Variants in CSGALNACT1 observed in about 807,000 individuals in gnomAD.
The protein encoded by CSGALNACT1 is beta4GalNAcT-1.
Under a neutral mutation model 51.0 loss-of-function variants are expected in CSGALNACT1, and 52 were observed. The observed-to-expected ratio is 1.02, with a 90% confidence interval of 0.82 to 1.29. The LOEUF is 1.29. CSGALNACT1 is among the 50% of genes most tolerant of loss of function. The pLI, the probability that CSGALNACT1 is intolerant of heterozygous loss-of-function variation, is 0.00. For synonymous variants in CSGALNACT1, 341 were observed against 254.4 expected (o/e 1.34, Z -3.24); for missense variants, 935 against 679.2 (o/e 1.38, Z -4.19).
At chr8:19,421,163 C>T (rs2057859991) in intron 6 of CSGALNACT1, among the ~76,000 whole-genome samples, 2 of 152,222 alleles carry the variant, frequency 1.3e-5, no homozygotes, top group Non-Finnish European at 1.5e-5. Context: ...CCTCAGTTGC[C>T]TCATCTGCTA....
chr8:19,744,823 C>G (rs913004799), intron 1 of CSGALNACT1, among the ~76,000 whole-genome samples: 4 of 152,160 alleles, frequency 2.6e-5, no homozygotes. Flanking sequence ...TTCCATACAC[C>G]TTTATCAAGA....
intron 4 of CSGALNACT1, among the ~76,000 whole-genome samples, chr8:19,485,130 A>G (rs1204586474): frequency 1.3e-5 from 2 of 152,174 alleles, no homozygotes; most frequent in Non-Finnish European, 2.9e-5. Flanking sequence ...CATCAGTTAC[A>G]CAGCATCTAC....
chr8:19,426,258 G>A, intron 6 of CSGALNACT1, among the ~76,000 whole-genome samples: 1 of 152,144 alleles, frequency 6.6e-6, no homozygotes, highest in East Asian at 1.9e-4. Context: ...CCACTCAGAT[G>A]GGCACCAGAG....
chr8:19,412,376 T>A (rs1384430594), intron 8 of CSGALNACT1, among the ~76,000 whole-genome samples: 2 of 152,122 alleles, frequency 1.3e-5, no homozygotes, highest in South Asian at 2.1e-4. Context: ...CAAATCAGCA[T>A]CTCTCCCCAA....
chr8:19,499,486 GT>G (rs1406605977), intron 4 of CSGALNACT1, among the ~76,000 whole-genome samples: 2 of 152,004 alleles, frequency 1.3e-5, no homozygotes, highest in East Asian at 1.9e-4. Flanking sequence ...AACAAATAAC[GT>G]TTTTTTCCCT....
chr8:19,671,332 T>C (rs2059782201), intron 1 of CSGALNACT1, among the ~76,000 whole-genome samples: 1 of 152,200 alleles, frequency 6.6e-6, no homozygotes, highest in South Asian at 2.1e-4. Flanking sequence ...CCATTCCCTA[T>C]GGATGAACTA....
intron 8 of CSGALNACT1, among the ~76,000 whole-genome samples, chr8:19,409,519 AG>A (rs1361693812): frequency 3.3e-5 from 5 of 152,074 alleles, no homozygotes; most frequent in East Asian, 1.9e-4. Context: ...AGAGAGAGAG[AG>A]AAACACACAC....
At chr8:19,436,677 C>T (rs981202297) in intron 6 of CSGALNACT1, among the ~76,000 whole-genome samples, 1 of 152,044 alleles carries the variant, frequency 6.6e-6, no homozygotes, top group Non-Finnish European at 1.5e-5. Context: ...GAGGATGAGG[C>T]AAGAGGATTG....
At chr8:19,567,291 C>T (rs1196462777) in intron 3 of CSGALNACT1, among the ~76,000 whole-genome samples, 1 of 152,190 alleles carries the variant, frequency 6.6e-6, no homozygotes, top group Admixed American at 6.5e-5. Context: ...GTCAATTCTT[C>T]CAGCAGTCGT....
At chr8:19,501,708 C>G (rs1423082841) in intron 4 of CSGALNACT1, among the ~76,000 whole-genome samples, 1 of 152,212 alleles carries the variant, frequency 6.6e-6, no homozygotes, top group Non-Finnish European at 1.5e-5. Context: ...TGATGTCAAA[C>G]TTATGTCCAA....
intron 4 of CSGALNACT1, among the ~76,000 whole-genome samples, chr8:19,467,161 C>G (rs1186613790): frequency 7.1e-6 from 1 of 140,576 alleles, no homozygotes; most frequent in Non-Finnish European, 1.5e-5. Flanking sequence ...ACTCTGTCAC[C>G]CAGGCTGGAG....
At chr8:19,521,439 C>T (rs7817732) in intron 3 of CSGALNACT1, among the ~76,000 whole-genome samples, 108,037 of 152,086 alleles carry the variant, frequency 0.71, 40,253 homozygotes, top group Non-Finnish European at 0.83. Flanking sequence ...TCCTAGCACT[C>T]TGGGAGGCTG....
intron 6 of CSGALNACT1, among the ~76,000 whole-genome samples, chr8:19,425,499 G>C (rs1487941210): frequency 2.6e-5 from 4 of 152,176 alleles, no homozygotes; most frequent in Non-Finnish European, 4.4e-5. Flanking sequence ...ATGAGGCAAT[G>C]CAGAATCGAT....
At chr8:19,404,326 G>C (rs1037821766) in exon 10 of CSGALNACT1, 1 of 453,614 alleles carries the variant, frequency 2.2e-6, no homozygotes, top group Admixed American at 2.4e-5. Context: ...AGTTTACTGT[G>C]AGCAAACAGA....
intron 1 of CSGALNACT1, among the ~76,000 whole-genome samples, chr8:19,735,964 A>G (rs545311921): frequency 2.0e-5 from 3 of 152,206 alleles, no homozygotes; most frequent in Non-Finnish European, 2.9e-5. Flanking sequence ...TGTTTTATCA[A>G]TTTTCAACAT....
At position 19,666,890 on chromosome 8, in the gene CSGALNACT1, AGAGG is replaced by A. The variant is rs200378633; in HGVS notation, c.-544+15579_-544+15582del. On this transcript the variant is annotated intron_variant, in intron 1 of 9. Transcript: ENST00000332246. ...GAAAGAAAGAAAGAAAGAAAGAGAG[AGAGG>A]AAGTGAGGAAGGGAGGAAGGGAGGA... Among the ~76,000 whole-genome samples, 219 of 135,878 alleles carry A rather than the reference AGAGG, an allele frequency of 1.6e-3. 9 individuals carry two copies. The highest frequency in any genetic ancestry group is 0.011 in the Admixed American group (139 of 13,014). 89.1% of individuals were successfully genotyped at this position (135,878 alleles called of 152,430 possible).
At chr8:19,573,659 G>C (rs2043514099) in intron 3 of CSGALNACT1, among the ~76,000 whole-genome samples, 1 of 152,062 alleles carries the variant, frequency 6.6e-6, no homozygotes, top group African/African-American at 2.4e-5. Flanking sequence ...GGCCAGGCTG[G>C]TCTCGAACTT....
chr8:19,659,131 A>G lies in CSGALNACT1; in HGVS notation c.-544+23342T>C, dbSNP rs111331633. Among the ~76,000 whole-genome samples, 778 of 152,120 alleles carry G rather than the reference A, an allele frequency of 5.1e-3. 4 individuals carry two copies. The highest frequency in any genetic ancestry group is 0.017 in the African/African-American group (712 of 41,526). On this transcript the variant is annotated intron_variant, in intron 1 of 9. Coordinates refer to the CSGALNACT1 transcript ENST00000332246. ...TTCTATAGGATGATATTGACATTTT[A>G]AAGTTTGATGTACCATTAGAGGGAT... is the stretch of plus-strand genomic sequence containing the variant.
chr8:19,590,337 C>T (rs982693139), intron 3 of CSGALNACT1, among the ~76,000 whole-genome samples: 1 of 152,202 alleles, frequency 6.6e-6, no homozygotes, highest in African/African-American at 2.4e-5. Flanking sequence ...TAGTAGACAT[C>T]TATTGGACAT....
Sources: allele counts gnomAD v4.1 joint callset (sites outside exome capture counted in the v4.1 genomes callset), GRCh38; gene constraint gnomAD v4.1.1; transcripts MANE v1.5; gene names NCBI Gene and HGNC (gene_info 2026-07-23, HGNC 2026-07-21).